The following PAMR1 variants were observed in gnomAD, a reference collection of about 807,000 sequenced individuals.
The protein encoded by PAMR1 is inactive serine protease PAMR1.
Under a neutral mutation model 81.8 loss-of-function variants are expected in PAMR1, and 88 were observed. That is an observed-to-expected ratio of 1.08 (90% CI 0.91 to 1.28). The LOEUF is 1.28. PAMR1 is among the 50% of genes most tolerant of loss of function. The pLI is 0.00. For synonymous variants in PAMR1, 336 were observed against 345.3 expected (o/e 0.97, Z 0.30); for missense variants, 935 against 919.7 (o/e 1.02, Z -0.21).
chr11:35,510,798 CTA>C, intron 1 of PAMR1, among the ~76,000 whole-genome samples: 1 of 152,158 alleles, frequency 6.6e-6, no homozygotes. Flanking sequence ...CATAATTATT[CTA>C]TGTGTGCAAG....
Position 35,432,318 on chromosome 11 carries a change from T to C in PAMR1, c.*38A>G. The C allele has an allele frequency of 6.4e-7, 1 of 1,562,772 alleles. No individual in the cohort carries two copies. Among genetic ancestry groups the C allele is most frequent in the East Asian group, 2.2e-5 (1 of 44,570 alleles). On this transcript the variant is annotated 3_prime_UTR_variant, in exon 11 of 11. Coordinates refer to ENST00000619888, the MANE Select transcript of PAMR1 (RefSeq NM_001001991.3). The stretch of plus-strand genomic sequence containing the variant: ...ACGCAATGACACACGTACAGACGGA[T>C]ATACAGAAACACTTCTCAAGGAGTG...
At chr11:35,454,177 C>T (rs759369725) in intron 6 of PAMR1, among the ~76,000 whole-genome samples, 2 of 152,068 alleles carry the variant, frequency 1.3e-5, no homozygotes, top group Non-Finnish European at 2.9e-5. Context: ...CAGCTCAAGG[C>T]ACCCATTCCT....
At chr11:35,435,724 T>C (rs1175053753) in intron 9 of PAMR1, among the ~76,000 whole-genome samples, 179 bp downstream of exon 9, 1 of 152,194 alleles carries the variant, frequency 6.6e-6, no homozygotes, top group African/African-American at 2.4e-5. Flanking sequence ...GTGAGTCAAT[T>C]TCTCCTGGGT....
chr11:35,439,785 G>T lies in PAMR1; in HGVS notation c.1034-92C>A, dbSNP rs1167331630. 2.6e-5 allele frequency: 27 copies of T among 1,052,200 alleles called. No individual in the cohort carries two copies. In the Admixed American group the frequency reaches 4.7e-4, roughly 18 times the overall value. 65.2% of individuals were successfully genotyped at this position (1,052,200 alleles called of 1,614,324 possible). ...GATTCATACCTGACCCCCACTTCTG[G>T]ACACCAGGTGCCCATTCCCCAGGCT... On this transcript the variant is annotated intron_variant, in intron 7 of 10. Transcript: ENST00000619888.
rs1010279821 is a variant in PAMR1, at chr11:35,432,106, T to C, written c.*250A>G. The C allele has an allele frequency of 9.6e-6, 5 of 518,640 alleles. No homozygotes were observed. The highest frequency in any genetic ancestry group is 9.5e-5 in the African/African-American group (5 of 52,480). The allele number at this position is 518,640 out of a possible 1,614,324, so 32.1% of individuals were successfully genotyped here. On this transcript the variant is annotated 3_prime_UTR_variant, in exon 11 of 11. Transcript: ENST00000619888. Reference sequence around the variant, plus strand: ...GAGTGGAGAGGTTTTGTATATGGTCTTCTTTGAAGAAACTTACTTCTTGCA... The same window carrying C: ...GAGTGGAGAGGTTTTGTATATGGTCCTCTTTGAAGAAACTTACTTCTTGCA...
chr11:35,499,181 T>A (rs2676460), intron 1 of PAMR1, among the ~76,000 whole-genome samples: 1 of 152,008 alleles, frequency 6.6e-6, no homozygotes, highest in East Asian at 1.9e-4. Flanking sequence ...AGAGCCAGCT[T>A]TGCCTCTAAC....
chr11:35,480,068 T>A (rs1370288777), intron 3 of PAMR1, among the ~76,000 whole-genome samples: 1 of 152,200 alleles, frequency 6.6e-6, no homozygotes. Flanking sequence ...GCCTCCCCCA[T>A]GACGCAGTTC....
At chr11:35,463,392 G>A (rs940718354) in intron 6 of PAMR1, among the ~76,000 whole-genome samples, 7 of 152,176 alleles carry the variant, frequency 4.6e-5, no homozygotes, top group South Asian at 2.1e-4. Context: ...CTGTTTCATC[G>A]TCCTTCATTA....
intron 6 of PAMR1, among the ~76,000 whole-genome samples, chr11:35,445,886 T>G (rs938706532): frequency 6.6e-6 from 1 of 152,218 alleles, no homozygotes; most frequent in Non-Finnish European, 1.5e-5. Flanking sequence ...TCCATTGTTT[T>G]GAATAGTTTC....
At chr11:35,481,405 G>C (rs1026680353) in intron 3 of PAMR1, among the ~76,000 whole-genome samples, 1 of 152,106 alleles carries the variant, frequency 6.6e-6, no homozygotes, top group Non-Finnish European at 1.5e-5. Context: ...ATTCTGACTG[G>C]CATGAGATAG....
chr11:35,489,963 G>A (rs989774307), intron 3 of PAMR1, among the ~76,000 whole-genome samples: 3 of 152,158 alleles, frequency 2.0e-5, no homozygotes, highest in African/African-American at 7.2e-5. Flanking sequence ...TTCCCACACT[G>A]CTAAGAAAGA....
chr11:35,477,803 C>G (rs896907339), intron 3 of PAMR1, among the ~76,000 whole-genome samples: 5 of 152,140 alleles, frequency 3.3e-5, no homozygotes, highest in Non-Finnish European at 7.3e-5. Flanking sequence ...TCCTCTCCCA[C>G]TCCATTTTGA....
intron 1 of PAMR1, among the ~76,000 whole-genome samples, chr11:35,519,018 CT>C (rs1158070436): frequency 2.0e-5 from 3 of 152,306 alleles, no homozygotes; most frequent in Non-Finnish European, 4.4e-5. Context: ...ACTCAACCCT[CT>C]GAGACAGCCA....
At chr11:35,473,361 C>G (rs1308393866) in intron 4 of PAMR1, among the ~76,000 whole-genome samples, 2 of 152,120 alleles carry the variant, frequency 1.3e-5, no homozygotes, top group Admixed American at 6.5e-5. Flanking sequence ...TTAGAATATC[C>G]TTTTGCATCT....
upstream of PAMR1, chr11:35,525,761 G>A (rs895601867): frequency 7.9e-5 from 49 of 621,392 alleles, no homozygotes; most frequent in Non-Finnish European, 6.6e-5. Context: ...CAGCCAGAGC[G>A]ACGTCAGCCC....
chr11:35,448,605 G>T (rs1293249535), intron 6 of PAMR1, among the ~76,000 whole-genome samples: 1 of 152,170 alleles, frequency 6.6e-6, no homozygotes, highest in East Asian at 1.9e-4. Context: ...GCTCATCAAA[G>T]TTCATTATTA....
In PAMR1 at chr11:35,525,534, G is replaced by T; in HGVS notation, c.52C>A (p.Leu18Ile). Residue 18 changes from leucine to isoleucine, a missense_variant, in exon 1 of 11, where the codon CTC (leucine) becomes ATC (isoleucine). Transcript: ENST00000619888. ...QLGLTFLQLL[L>I]ISSLPREYTV... ...GTACCTCTTGGCAAGGACGAGATGAGAAGGAGCTGAAGAAAAGTGAGCCCC... is the reference window on the plus strand; with the variant it reads ...GTACCTCTTGGCAAGGACGAGATGATAAGGAGCTGAAGAAAAGTGAGCCCC... The T allele has an allele frequency of 1.2e-6, 2 of 1,613,984 alleles. No individual in the cohort carries two copies. Among genetic ancestry groups the T allele is most frequent in the Non-Finnish European group, 1.7e-6 (2 of 1,179,900 alleles).
intron 6 of PAMR1, among the ~76,000 whole-genome samples, chr11:35,449,197 C>T (rs1046415015): frequency 3.3e-5 from 5 of 152,302 alleles, no homozygotes; most frequent in African/African-American, 4.8e-5. Context: ...AAATCCCACT[C>T]GTCTGGACTA....
At chr11:35,473,881 G>T (rs1409508379) in intron 4 of PAMR1, among the ~76,000 whole-genome samples, 1 of 152,210 alleles carries the variant, frequency 6.6e-6, no homozygotes, top group Non-Finnish European at 1.5e-5. Flanking sequence ...TTCTAGGGGT[G>T]AGTGAGGAAA....
Sources: gnomAD v4.1 joint callset for allele counts (sites outside exome capture counted in the v4.1 genomes callset) on GRCh38, gnomAD v4.1.1 for gene constraint, MANE v1.5 for transcripts, NCBI Gene and HGNC (gene_info 2026-07-23, HGNC 2026-07-21) for gene names.